The following ATP11A variants were observed in gnomAD, a reference collection of about 807,000 sequenced individuals.
ATP11A encodes phospholipid-transporting ATPase IH.
In ATP11A, 81 loss-of-function variants were observed where a neutral mutation model predicts 154.4. The observed-to-expected ratio is 0.52, with a 90% CI of 0.44 to 0.63. The LOEUF (loss-of-function observed/expected upper bound fraction) is 0.63. Ranked by LOEUF, ATP11A falls within the 30% of genes least tolerant of loss-of-function variation. The probability of loss-of-function intolerance (pLI) is 0.00; values close to 1 mark genes in which losing one functional copy is unlikely to be tolerated. For synonymous variants in ATP11A, 623 were observed against 585.9 expected (o/e 1.06, Z -0.91); for missense variants, 1,316 against 1,474.3 (o/e 0.89, Z 1.76).
chr13:112,873,911 C>T (rs779716315), intron 27 of ATP11A, among the ~76,000 whole-genome samples: 3 of 152,158 alleles, frequency 2.0e-5, no homozygotes, highest in Non-Finnish European at 4.4e-5. Flanking sequence ...TAACTGATAA[C>T]AGCTTGTGAC....
At chr13:112,844,620 A>G (rs911264382) in intron 17 of ATP11A, among the ~76,000 whole-genome samples, 5 of 152,306 alleles carry the variant, frequency 3.3e-5, no homozygotes, top group East Asian at 1.9e-4. Context: ...TTTCACTCCC[A>G]TAACTGCTGA....
intron 2 of ATP11A, among the ~76,000 whole-genome samples, chr13:112,795,027 T>C (rs1317989454): frequency 6.6e-6 from 1 of 152,160 alleles, no homozygotes; most frequent in Non-Finnish European, 1.5e-5. Flanking sequence ...GTGGATCACC[T>C]GAAGTCAGGA....
intron 1 of ATP11A, among the ~76,000 whole-genome samples, chr13:112,710,825 C>A (rs553142868): frequency 6.6e-6 from 1 of 152,226 alleles, no homozygotes; most frequent in Admixed American, 6.5e-5. Context: ...TTGGTCTTCA[C>A]CTGCCGTCAC....
intron 1 of ATP11A, among the ~76,000 whole-genome samples, chr13:112,725,366 C>T (rs1889725783): frequency 6.6e-6 from 1 of 152,226 alleles, no homozygotes; most frequent in Admixed American, 6.5e-5. Context: ...TCCACTCTCT[C>T]TGCTCTCAGC....
intron 24 of ATP11A, among the ~76,000 whole-genome samples, chr13:112,861,992 T>TCAGGCGTAAGGTGTCCCAG (rs1555341167): frequency 2.7e-5 from 4 of 150,580 alleles, no homozygotes; most frequent in Non-Finnish European, 3.0e-5. Flanking sequence ...AGGTGTCACG[T>TCAGGCGTAAGGTGTCCCAG]CAGGCGTAAG....
intron 4 of ATP11A, among the ~76,000 whole-genome samples, chr13:112,808,273 G>A (rs945338005): frequency 9.9e-5 from 15 of 151,988 alleles, no homozygotes; most frequent in African/African-American, 2.9e-4. Context: ...GGCAGTGGGC[G>A]GGCGTTTTGG....
In ATP11A at chr13:112,785,861, AAGGTGGAAATTT is replaced by A. The variant is rs1229424437; in HGVS notation, c.162+607_162+618del. 1.3e-5 allele frequency among the ~76,000 whole-genome samples: 2 copies of A among 152,278 alleles called. No homozygotes were observed. Among genetic ancestry groups the A allele is most frequent in the Admixed American group, 6.5e-5 (1 of 15,290 alleles). ...TGACCTGGAAACAGGTCTTAAGAACAAGGTGGAAATTTAGCTGCTGCCATTAAACATGGGGTA... is the reference window on the plus strand; with the variant it reads ...TGACCTGGAAACAGGTCTTAAGAACAAGCTGCTGCCATTAAACATGGGGTA... On this transcript the variant is annotated intron_variant, in intron 2 of 29. Transcript: ENST00000375645. This position sits in a 1 kb window ranked among gnomAD's most constrained non-coding sequence, Gnocchi z 4.8.
intron 1 of ATP11A, among the ~76,000 whole-genome samples, chr13:112,699,788 C>T (rs1003322774): frequency 3.3e-5 from 5 of 152,236 alleles, no homozygotes; most frequent in Admixed American, 6.5e-5. Context: ...CTGTGTCCCA[C>T]CTGGCTCTGC....
Position 112,862,456 on chromosome 13 carries a change from G to T in ATP11A, c.2872G>T (p.Ala958Ser). 6.2e-7 allele frequency: 1 copy of T among 1,613,904 alleles called. No individual in the cohort carries two copies. Among genetic ancestry groups the T allele is most frequent in the Non-Finnish European group, 8.5e-7 (1 of 1,179,986 alleles). Residue 958 changes from alanine to serine, a missense_variant, in exon 25 of 30, where the codon GCC becomes TCC. Coordinates refer to ENST00000375645, the MANE Select transcript of ATP11A (RefSeq NM_015205.3). ...CCTCACCAGGGACGTCGCCAAGAAT[G>T]CCCTGCTGCGCTGGCGCGTGTTCAT... ...PTLYRDVAKN[A>S]LLRWRVFIYW...
chr13:112,736,740 CAACA>C (rs1003326920), intron 1 of ATP11A, among the ~76,000 whole-genome samples: 2 of 152,234 alleles, frequency 1.3e-5, no homozygotes, highest in East Asian at 1.9e-4. Context: ...GCAGAGATGA[CAACA>C]AACAAATATA....
At chr13:112,781,196 G>A (rs562495134) in intron 1 of ATP11A, among the ~76,000 whole-genome samples, 29 of 152,032 alleles carry the variant, frequency 1.9e-4, no homozygotes, top group African/African-American at 6.8e-4. Flanking sequence ...CACATGCCCG[G>A]CTAATTTTTG....
intron 22 of ATP11A, chr13:112,858,500 A>T (rs986972926): frequency 4.1e-6 from 2 of 486,586 alleles, no homozygotes; most frequent in African/African-American, 3.9e-5. Context: ...CAGTCAACCC[A>T]TGCCCAAAAA....
chr13:112,878,644 G>T (rs1020127599), intron 29 of ATP11A, among the ~76,000 whole-genome samples: 2 of 152,238 alleles, frequency 1.3e-5, no homozygotes, highest in African/African-American at 4.8e-5. Flanking sequence ...GCAGGAAGGT[G>T]TGAGAGTTTG....
chr13:112,811,477 C>A (rs983672235), intron 5 of ATP11A: 1 of 152,108 alleles, frequency 6.6e-6, no homozygotes, highest in Non-Finnish European at 1.5e-5. Context: ...AGATTGGAAA[C>A]ACTGTTTCTA....
At position 112,881,733 on chromosome 13, in the gene ATP11A, G is replaced by A. The variant is rs145486589; in HGVS notation, c.*10-143G>A. ...TTCCTGCAGGAGGCGATGGTAGTGAGTGCATCCCAGAGTGGCTCAGGTCAC... is the reference window on the plus strand; with the variant it reads ...TTCCTGCAGGAGGCGATGGTAGTGAATGCATCCCAGAGTGGCTCAGGTCAC... On this transcript the variant is annotated intron_variant, in intron 29 of 29. Transcript: ENST00000375645. 4.2e-4 allele frequency: 551 copies of A among 1,319,322 alleles called. 4 individuals carry two copies. The African/African-American group carries it at 7.7e-3, about 18-fold the overall frequency. The allele number at this position is 1,319,322 out of a possible 1,614,324, so 81.7% of individuals were successfully genotyped here.
At chr13:112,870,856 T>G (rs2080495406) in intron 25 of ATP11A, among the ~76,000 whole-genome samples, 1 of 152,238 alleles carries the variant, frequency 6.6e-6, no homozygotes, top group South Asian at 2.1e-4. Context: ...AGCAGCCCTT[T>G]CTGGCCTGTG....
At chr13:112,850,255 A>C (rs1167957185) in intron 17 of ATP11A, among the ~76,000 whole-genome samples, 1 of 152,184 alleles carries the variant, frequency 6.6e-6, no homozygotes, top group Non-Finnish European at 1.5e-5. Flanking sequence ...TTCTTTTACT[A>C]TTATCAGTAG....
At chr13:112,813,586 T>C (rs1186774501) in intron 5 of ATP11A, among the ~76,000 whole-genome samples, 1 of 152,248 alleles carries the variant, frequency 6.6e-6, no homozygotes, top group Non-Finnish European at 1.5e-5. Flanking sequence ...GCAAGTTTTC[T>C]TGTGAATTTA....
At chr13:112,840,951 A>G (rs886085686) in intron 16 of ATP11A, among the ~76,000 whole-genome samples, 2 of 152,124 alleles carry the variant, frequency 1.3e-5, no homozygotes, top group African/African-American at 4.8e-5. Context: ...GAGGGCCCTC[A>G]GTGTCTGGGG....
Sources: gnomAD v4.1 joint callset for allele counts (sites outside exome capture counted in the v4.1 genomes callset) on GRCh38, gnomAD v4.1.1 for gene constraint, Gnocchi (gnomAD v3.1) non-coding constraint, MANE v1.5 for transcripts, NCBI Gene and HGNC (gene_info 2026-07-23, HGNC 2026-07-21) for gene names.